Variants in ANKS1B observed in about 807,000 individuals in gnomAD.
ANKS1B encodes ankyrin repeat and sterile alpha motif domain-containing protein 1B.
ANKS1B carries 36 observed loss-of-function variants against 148.3 expected under a neutral mutation model. That is an observed-to-expected ratio of 0.24 (90% confidence interval 0.19 to 0.32). ANKS1B has a LOEUF of 0.32. Among genes scored for constraint, ANKS1B ranks in the 10% least tolerant of loss-of-function variants. The probability of loss-of-function intolerance (pLI) is 1.00; values close to 1 mark genes in which losing one functional copy is unlikely to be tolerated. For synonymous variants in ANKS1B, 542 were observed against 560.8 expected, an observed-to-expected ratio of 0.97 and a Z score of 0.47; for missense variants, 1,157 against 1,542.6, an observed-to-expected ratio of 0.75 and a Z score of 4.19.
At chr12:98,855,460 T>G (rs1018980076) in intron 17 of ANKS1B, among the ~76,000 whole-genome samples, 11 of 152,210 alleles carry the variant, frequency 7.2e-5, no homozygotes, top group African/African-American at 2.7e-4. Flanking sequence ...CATTATTTTT[T>G]GAAAATAGAA....
chr12:99,133,258 G>A (rs2066768918), intron 15 of ANKS1B, among the ~76,000 whole-genome samples: 1 of 151,772 alleles, frequency 6.6e-6, no homozygotes, highest in South Asian at 2.1e-4. Context: ...TCACCATGTT[G>A]GTCAGGCTGG....
intron 14 of ANKS1B, among the ~76,000 whole-genome samples, chr12:99,190,892 T>A (rs150733774): frequency 0.012 from 1,870 of 151,964 alleles, 34 homozygotes; most frequent in African/African-American, 0.043. Context: ...TAAACTATCA[T>A]GAGAGTGAAC....
chr12:99,312,431 T>C (rs931479871), intron 12 of ANKS1B, among the ~76,000 whole-genome samples: 2 of 152,138 alleles, frequency 1.3e-5, no homozygotes, highest in Admixed American at 6.6e-5. Context: ...TGTTTACTTG[T>C]TTTAAACAGT....
chr12:99,597,090 A>G (rs1263800096), intron 9 of ANKS1B, among the ~76,000 whole-genome samples: 3 of 151,958 alleles, frequency 2.0e-5, no homozygotes, highest in Admixed American at 6.6e-5. Flanking sequence ...CCTAACCAAC[A>G]CTAATATTGT....
chr12:99,430,476 A>G (rs2095350987), intron 11 of ANKS1B, among the ~76,000 whole-genome samples: 1 of 152,208 alleles, frequency 6.6e-6, no homozygotes, highest in African/African-American at 2.4e-5. Context: ...TCTTCCAAAC[A>G]CTGTACGTTA....
chr12:99,082,763 G>A lies in ANKS1B; in HGVS notation c.2625+2162C>T, dbSNP rs536793850. ...GGTAAGGAGCGGTTCCATTTTGAAG[G>A]AAGTTGCACAAAGGAAGTGATATGA... On this transcript the variant is annotated intron_variant, in intron 16 of 26. Coordinates refer to ENST00000683438, the MANE Select transcript of ANKS1B (RefSeq NM_001352186.2). Among the ~76,000 whole-genome samples the A allele has an allele frequency of 2.6e-5, 4 of 152,210 alleles. No individual in the cohort carries two copies. The South Asian group carries it at 8.3e-4, about 32-fold the overall frequency.
rs565911142 is a variant in ANKS1B, at chr12:99,216,421, TTTTA to T, written c.2419+27917_2419+27920del. Among the ~76,000 whole-genome samples the T allele has an allele frequency of 3.4e-3, 522 of 152,350 alleles. 2 individuals are homozygous for T. The highest frequency in any genetic ancestry group is 0.012 in the African/African-American group (499 of 41,580). The stretch of plus-strand genomic sequence containing the variant: ...CCTGCAAGCTTTATTAAATCATTTC[TTTTA>T]TTTGTTAAAACGTTATAAACATTTA... On this transcript the variant is annotated intron_variant, in intron 14 of 26. Coordinates refer to ENST00000683438, the MANE Select transcript of ANKS1B (RefSeq NM_001352186.2).
At chr12:99,610,058 C>A (rs1179630814) in intron 9 of ANKS1B, among the ~76,000 whole-genome samples, 1 of 151,998 alleles carries the variant, frequency 6.6e-6, no homozygotes, top group African/African-American at 2.4e-5. Context: ...AGGTATGACA[C>A]CTTTCCTACC....
At chr12:98,891,855 A>G (rs1403138498) in intron 17 of ANKS1B, among the ~76,000 whole-genome samples, 1 of 152,198 alleles carries the variant, frequency 6.6e-6, no homozygotes, top group Admixed American at 6.5e-5. Flanking sequence ...TGGGTAGTCA[A>G]CTGGAGCCTA....
intron 9 of ANKS1B, among the ~76,000 whole-genome samples, chr12:99,534,395 CAAGGGATA>C (rs144868143): frequency 3.3e-5 from 5 of 152,270 alleles, no homozygotes; most frequent in Non-Finnish European, 7.4e-5. Flanking sequence ...TTTCACTCAT[CAAGGGATA>C]AAGAAAAATA....
At chr12:99,717,576 G>A (rs1467305141) in intron 8 of ANKS1B, among the ~76,000 whole-genome samples, 1 of 152,232 alleles carries the variant, frequency 6.6e-6, no homozygotes, top group East Asian at 1.9e-4. Context: ...AACTCACCTG[G>A]CAGCCACTCC....
At chr12:98,842,609 AG>A (rs1008579308) in intron 17 of ANKS1B, among the ~76,000 whole-genome samples, 1 of 152,214 alleles carries the variant, frequency 6.6e-6, no homozygotes, top group African/African-American at 2.4e-5. Context: ...TTTTGAAAAA[AG>A]AATAATGCTG....
At chr12:99,320,487 C>T (rs1332479268) in intron 12 of ANKS1B, among the ~76,000 whole-genome samples, 1 of 152,140 alleles carries the variant, frequency 6.6e-6, no homozygotes, top group Non-Finnish European at 1.5e-5. Context: ...ATCGAATCGG[C>T]TACTGAAGCT....
chr12:98,844,987 CA>C (rs2099441658), intron 17 of ANKS1B, among the ~76,000 whole-genome samples: 1 of 152,004 alleles, frequency 6.6e-6, no homozygotes, highest in South Asian at 2.1e-4. Flanking sequence ...ATTAAGGATC[CA>C]AAAGAAATCA....
At position 99,805,263 on chromosome 12, in the gene ANKS1B, C is replaced by CAAAAAAAAAAAAAAAAAAAAAAAAA. The variant is rs58248573; in HGVS notation, c.669+1116_669+1140dup. 9.7e-4 allele frequency among the ~76,000 whole-genome samples: 28 copies of CAAAAAAAAAAAAAAAAAAAAAAAAA among 28,914 alleles called. 5 individuals carry two copies. Among genetic ancestry groups the CAAAAAAAAAAAAAAAAAAAAAAAAA allele is most frequent in the East Asian group, 3.7e-3 (3 of 802 alleles). 19.0% of individuals were successfully genotyped at this position (28,914 alleles called of 152,430 possible). A position where few individuals can be genotyped will look rare whatever the true frequency, so the allele number is the denominator to read the frequency against. On this transcript the variant is annotated intron_variant, in intron 4 of 26. Transcript: ENST00000683438. The stretch of plus-strand genomic sequence containing the variant: ...AAATAACCATGAAAGGAGGAAAAGG[C>CAAAAAAAAAAAAAAAAAAAAAAAAA]AAAAAAAAAAAAAAAAAAAAAAAAA...
At chr12:99,489,127 A>G (rs1445504589) in intron 10 of ANKS1B, among the ~76,000 whole-genome samples, 2 of 151,886 alleles carry the variant, frequency 1.3e-5, no homozygotes, top group Non-Finnish European at 2.9e-5. Flanking sequence ...CTATAATCCC[A>G]GCTACTCAGG....
intron 17 of ANKS1B, among the ~76,000 whole-genome samples, chr12:98,943,498 T>C (rs1215959775): frequency 6.6e-6 from 1 of 152,190 alleles, no homozygotes; most frequent in African/African-American, 2.4e-5. Context: ...CTGGAGGCTC[T>C]AGGAGAGAGT....
chr12:99,083,138 C>CT (rs2050409655), intron 16 of ANKS1B, among the ~76,000 whole-genome samples: 1 of 152,144 alleles, frequency 6.6e-6, no homozygotes, highest in African/African-American at 2.4e-5. Flanking sequence ...GAGTAAGTGT[C>CT]TATCAGTAGA....
At chr12:99,473,229 T>C (rs2096268688) in intron 10 of ANKS1B, among the ~76,000 whole-genome samples, 1 of 152,044 alleles carries the variant, frequency 6.6e-6, no homozygotes, top group African/African-American at 2.4e-5. Flanking sequence ...CATATGACAA[T>C]TCTGACTCCT....
Sources: allele counts gnomAD v4.1 joint callset (sites outside exome capture counted in the v4.1 genomes callset), GRCh38; gene constraint gnomAD v4.1.1; transcripts MANE v1.5; gene names NCBI Gene and HGNC (gene_info 2026-07-23, HGNC 2026-07-21).